SGCZ: variants seen among roughly 807,000 people sequenced by gnomAD.
SGCZ encodes sarcoglycan zeta, also known as zeta-sarcoglycan.
SGCZ carries 40 observed loss-of-function variants against 41.3 expected under a neutral mutation model. The ratio of observed to expected loss-of-function variants is 0.97; its 90% confidence interval spans 0.75 to 1.26. The LOEUF is 1.26. Among genes scored for constraint, SGCZ ranks in the 50% most tolerant of loss-of-function variants. The pLI is 0.00. For missense variants in SGCZ, 552 were observed against 369.8 expected (o/e 1.49, Z -4.04); for synonymous variants, 206 against 137.5 (o/e 1.50, Z -3.49).
intron 1 of SGCZ, among the ~76,000 whole-genome samples, chr8:14,891,125 G>A (rs1485509546): frequency 6.6e-6 from 1 of 152,194 alleles, no homozygotes; most frequent in Non-Finnish European, 1.5e-5. Flanking sequence ...CCTCCCTTGT[G>A]CAGCCCATGG....
intron 1 of SGCZ, among the ~76,000 whole-genome samples, chr8:14,683,925 T>C (rs1220714061): frequency 6.6e-6 from 1 of 152,102 alleles, no homozygotes; most frequent in African/African-American, 2.4e-5. Context: ...AGATGCATGA[T>C]TTTTCACATT....
intron 1 of SGCZ, among the ~76,000 whole-genome samples, chr8:15,201,527 C>T (rs1241587439): frequency 2.0e-5 from 3 of 152,174 alleles, no homozygotes; most frequent in Non-Finnish European, 2.9e-5. Flanking sequence ...TAATAAATGT[C>T]AGTTCAAGAC....
At chr8:14,459,522 A>G (rs1585543632) in intron 2 of SGCZ, among the ~76,000 whole-genome samples, 1 of 152,320 alleles carries the variant, frequency 6.6e-6, no homozygotes, top group South Asian at 2.1e-4. Context: ...GGCAAGATCT[A>G]TTGATAGATG....
intron 1 of SGCZ, among the ~76,000 whole-genome samples, chr8:14,697,106 A>G (rs1054166148): frequency 2.0e-5 from 3 of 152,014 alleles, no homozygotes; most frequent in Non-Finnish European, 4.4e-5. Flanking sequence ...AAACACCCCC[A>G]TCCCATCTCC....
intron 1 of SGCZ, among the ~76,000 whole-genome samples, chr8:14,611,395 T>C (rs907681211): frequency 6.6e-6 from 1 of 152,132 alleles, no homozygotes; most frequent in South Asian, 2.1e-4. Context: ...AATGACACTT[T>C]TAGAGATTAT....
chr8:14,097,106 C>A (rs1801870423), intron 7 of SGCZ, among the ~76,000 whole-genome samples: 1 of 152,070 alleles, frequency 6.6e-6, no homozygotes, highest in African/African-American at 2.4e-5. Flanking sequence ...CAGTTCTGCT[C>A]TGATCATAGT....
intron 1 of SGCZ, among the ~76,000 whole-genome samples, chr8:14,570,528 G>C (rs1292864966): frequency 6.6e-6 from 1 of 152,122 alleles, no homozygotes; most frequent in African/African-American, 2.4e-5. Context: ...GCTTATCTAA[G>C]ATATAAATAT....
At chr8:14,293,180 T>C (rs1800895757) in intron 3 of SGCZ, among the ~76,000 whole-genome samples, 1 of 151,970 alleles carries the variant, frequency 6.6e-6, no homozygotes, top group African/African-American at 2.4e-5. Context: ...AAAGAATATG[T>C]GATAAATCAC....
intron 1 of SGCZ, among the ~76,000 whole-genome samples, chr8:15,117,822 A>C (rs1807328907): frequency 6.6e-6 from 1 of 152,358 alleles, no homozygotes; most frequent in African/African-American, 2.4e-5. Flanking sequence ...TGGCAGGCTA[A>C]GTAGATCTAG....
Position 14,425,513 on chromosome 8 carries a change from C to T in SGCZ, c.235-101309G>A, listed in dbSNP as rs574506593. On this transcript the variant is annotated intron_variant, in intron 2 of 7. Coordinates refer to ENST00000382080, the MANE Select transcript of SGCZ (RefSeq NM_139167.4). ...GCAGCCACCTGTAATCCCAGATACTCGGGAGGCTGAGGCAGGAGAACTGCT... is the reference window on the plus strand; with the variant it reads ...GCAGCCACCTGTAATCCCAGATACTTGGGAGGCTGAGGCAGGAGAACTGCT... Among the ~76,000 whole-genome samples, 21 of 151,884 alleles carry T rather than the reference C, an allele frequency of 1.4e-4. No homozygotes were observed. In the East Asian group the frequency reaches 1.9e-3, roughly 14 times the overall value.
At chr8:14,708,861 T>G (rs1177190702) in intron 1 of SGCZ, among the ~76,000 whole-genome samples, 1 of 149,554 alleles carries the variant, frequency 6.7e-6, no homozygotes. Context: ...ATAATCCTAT[T>G]ACATTTTTTC....
chr8:14,265,526 T>A (rs1438114145), intron 3 of SGCZ, among the ~76,000 whole-genome samples: 1 of 152,134 alleles, frequency 6.6e-6, no homozygotes, highest in African/African-American at 2.4e-5. Context: ...ATTCAGATGT[T>A]AGCTCTGTTT....
At chr8:15,039,307 T>C (rs1310224344) in intron 1 of SGCZ, among the ~76,000 whole-genome samples, 1 of 152,094 alleles carries the variant, frequency 6.6e-6, no homozygotes, top group South Asian at 2.1e-4. Context: ...AAGAAGGAAA[T>C]CTTGTCTTTT....
intron 1 of SGCZ, among the ~76,000 whole-genome samples, chr8:14,672,320 A>G (rs975879217): frequency 1.3e-4 from 20 of 152,256 alleles, no homozygotes; most frequent in Middle Eastern, 6.8e-3. Context: ...CTCATATTCC[A>G]TAGCGGAAAA....
chr8:14,743,297 T>C (rs1040395569), intron 1 of SGCZ, among the ~76,000 whole-genome samples: 1 of 152,044 alleles, frequency 6.6e-6, no homozygotes, highest in African/African-American at 2.4e-5. Context: ...CAAATAACCA[T>C]ATTTTACCTT....
At chr8:14,891,380 C>A (rs1403675174) in intron 1 of SGCZ, among the ~76,000 whole-genome samples, 1 of 152,132 alleles carries the variant, frequency 6.6e-6, no homozygotes. Context: ...TTGAGAGGTT[C>A]AAGACTTCAG....
chr8:14,675,144 G>A (rs749259394), intron 1 of SGCZ, among the ~76,000 whole-genome samples: 16 of 151,262 alleles, frequency 1.1e-4, no homozygotes, highest in South Asian at 2.1e-4. Context: ...CTTTCACCGT[G>A]TTAGTCAGGA....
chr8:14,736,744 G>C (rs1195604971), intron 1 of SGCZ, among the ~76,000 whole-genome samples: 3 of 152,020 alleles, frequency 2.0e-5, no homozygotes, highest in Non-Finnish European at 4.4e-5. Context: ...TTCCATTCCT[G>C]AGTTACTTCA....
intron 1 of SGCZ, among the ~76,000 whole-genome samples, chr8:14,676,623 A>G (rs1197907191): frequency 6.6e-6 from 1 of 152,206 alleles, no homozygotes; most frequent in Non-Finnish European, 1.5e-5. Flanking sequence ...ACAATAATAT[A>G]AACCACGATG....
Sources: gnomAD v4.1 joint callset for allele counts (sites outside exome capture counted in the v4.1 genomes callset) on GRCh38, gnomAD v4.1.1 for gene constraint, MANE v1.5 for transcripts, NCBI Gene and HGNC (gene_info 2026-07-23, HGNC 2026-07-21) for gene names.